Variants in GNAO1 observed in about 807,000 individuals in gnomAD.
GNAO1 encodes the protein guanine nucleotide-binding protein G(o) subunit alpha.
For synonymous variants in GNAO1, 164 were observed against 180.7 expected (o/e 0.91, Z 0.74); for missense variants, 166 against 478.7 (o/e 0.35, Z 6.10).
rs184732003 is a variant in GNAO1 at position 56,260,548 on chromosome 16, G to A, written c.162-15383G>A. On this transcript the variant is annotated intron_variant, in intron 2 of 8. Coordinates refer to ENST00000262493, the MANE Select transcript of GNAO1 (RefSeq NM_020988.3). ...CTGCAGCAGAGCCTCTACTGAGCCC[G>A]ACTCTGAGAGGGAACAGCTGGGCTC... is the stretch of plus-strand genomic sequence containing the variant. Among the ~76,000 whole-genome samples the A allele has an allele frequency of 3.1e-3, 467 of 152,232 alleles. 3 individuals are homozygous for A. The highest frequency in any genetic ancestry group is 0.01 in the African/African-American group (418 of 41,536).
chr16:56,210,353 A>G lies in GNAO1; in HGVS notation c.161+17737A>G, dbSNP rs118122938. On this transcript the variant is annotated intron_variant, in intron 2 of 8. Coordinates refer to ENST00000262493, the MANE Select transcript of GNAO1 (RefSeq NM_020988.3). ...TGGTTGCTTCCAAGTTTTGGGAATT[A>G]TGAATAAACCTGCTGTAAACATTCA... 9.9e-3 allele frequency among the ~76,000 whole-genome samples: 1,509 copies of G among 152,338 alleles called. 51 individuals carry two copies. The highest frequency in any genetic ancestry group is 0.07 in the South Asian group (340 of 4,828).
At chr16:56,294,188 T>G (rs2037260343) in intron 3 of GNAO1, among the ~76,000 whole-genome samples, 1 of 152,136 alleles carries the variant, frequency 6.6e-6, no homozygotes, top group Non-Finnish European at 1.5e-5. Flanking sequence ...TGGCACTAAC[T>G]TAGCAGGACA....
intron 2 of GNAO1, among the ~76,000 whole-genome samples, chr16:56,251,862 G>C (rs1273542181): frequency 6.6e-6 from 1 of 152,138 alleles, no homozygotes; most frequent in Admixed American, 6.5e-5. Context: ...CCCTGATCAA[G>C]AGCTGGCTCC....
intron 3 of GNAO1, among the ~76,000 whole-genome samples, chr16:56,301,387 G>A (rs1257576692): frequency 6.6e-6 from 1 of 152,182 alleles, no homozygotes; most frequent in South Asian, 2.1e-4. Flanking sequence ...CACAGACTTC[G>A]GGGGTCAGAA....
chr16:56,250,807 T>A (rs1192213959), intron 2 of GNAO1, among the ~76,000 whole-genome samples: 6 of 152,216 alleles, frequency 3.9e-5, no homozygotes, highest in African/African-American at 1.4e-4. Context: ...GTTTCTTTAC[T>A]GGATATCCCA....
intron 3 of GNAO1, among the ~76,000 whole-genome samples, chr16:56,327,796 CAAG>C (rs1465472267): frequency 1.3e-5 from 2 of 152,114 alleles, no homozygotes; most frequent in East Asian, 1.9e-4. Context: ...CCCACTCAGA[CAAG>C]GAGGAAGGGA....
chr16:56,348,173 C>A (rs879697815), intron 6 of GNAO1: 1 of 981,606 alleles, frequency 1.0e-6, no homozygotes, highest in East Asian at 1.1e-4. Context: ...AGTCGCCTAC[C>A]GTTAATAAAA....
At chr16:56,273,140 A>G (rs1288351280) in intron 2 of GNAO1, among the ~76,000 whole-genome samples, 1 of 152,222 alleles carries the variant, frequency 6.6e-6, no homozygotes, top group East Asian at 1.9e-4. Context: ...AGTATAGAGT[A>G]TACTTTCATT....
intron 2 of GNAO1, among the ~76,000 whole-genome samples, chr16:56,203,295 A>G (rs2036297020): frequency 6.6e-6 from 1 of 152,028 alleles, no homozygotes; most frequent in Admixed American, 6.6e-5. Flanking sequence ...CATTCACAGC[A>G]TCTCATTCCT....
intron 3 of GNAO1, among the ~76,000 whole-genome samples, chr16:56,286,321 A>G (rs1158324137): frequency 4.6e-5 from 7 of 152,194 alleles, no homozygotes; most frequent in African/African-American, 1.7e-4. Context: ...AAGTTAGGAC[A>G]TGTTGGTTGC....
At chr16:56,289,036 G>C (rs992328396) in intron 3 of GNAO1, among the ~76,000 whole-genome samples, 13 of 150,776 alleles carry the variant, frequency 8.6e-5, no homozygotes, top group East Asian at 7.7e-4. Flanking sequence ...CCAAAAAAGG[G>C]GGGGGGAGCG....
intron 3 of GNAO1, among the ~76,000 whole-genome samples, chr16:56,304,371 A>G (rs540237821): frequency 6.6e-6 from 1 of 152,344 alleles, no homozygotes; most frequent in African/African-American, 2.4e-5. Flanking sequence ...ATTGTTCATC[A>G]TTTATTCAGC....
intron 2 of GNAO1, among the ~76,000 whole-genome samples, chr16:56,218,301 G>A (rs142776689): frequency 6.6e-6 from 1 of 152,328 alleles, no homozygotes; most frequent in Non-Finnish European, 1.5e-5. Flanking sequence ...GAGGTGAGTT[G>A]TATCTGGGCC....
intron 2 of GNAO1, among the ~76,000 whole-genome samples, chr16:56,251,323 A>C (rs1238651796): frequency 6.6e-6 from 1 of 152,230 alleles, no homozygotes. Flanking sequence ...CTTACAATGC[A>C]TCTGCCTGCA....
At chr16:56,193,721 G>C (rs1240302205) in intron 2 of GNAO1, 1 of 235,914 alleles carries the variant, frequency 4.2e-6, no homozygotes, top group African/African-American at 2.3e-5. Flanking sequence ...AGGCAGGTTT[G>C]CTTGGGGAGG....
At chr16:56,313,306 TATG>T (rs1567479410) in intron 3 of GNAO1, among the ~76,000 whole-genome samples, 8 of 146,396 alleles carry the variant, frequency 5.5e-5, no homozygotes, top group African/African-American at 2.2e-4. Flanking sequence ...GCATTTTGTT[TATG>T]TAGGTTATAT....
chr16:56,323,370 C>T (rs1192009541), intron 3 of GNAO1, among the ~76,000 whole-genome samples: 1 of 152,206 alleles, frequency 6.6e-6, no homozygotes, highest in Non-Finnish European at 1.5e-5. Context: ...AGAAAACACA[C>T]ACTGAAGATA....
chr16:56,207,315 TA>T (rs2036339373), intron 2 of GNAO1, among the ~76,000 whole-genome samples: 1 of 152,158 alleles, frequency 6.6e-6, no homozygotes, highest in Non-Finnish European at 1.5e-5. Context: ...AATAAATAAA[TA>T]AACACACTGC....
chr16:56,336,923 G>A, intron 6 of GNAO1, 63 bp downstream of exon 6: 3 of 1,508,344 alleles, frequency 2.0e-6, no homozygotes, highest in Non-Finnish European at 2.7e-6. Flanking sequence ...GGATAGGCCA[G>A]CCCTCTGAGC....
Sources: allele counts gnomAD v4.1 joint callset (sites outside exome capture counted in the v4.1 genomes callset), GRCh38; gene constraint gnomAD v4.1.1; transcripts MANE v1.5; gene names NCBI Gene and HGNC (gene_info 2026-07-23, HGNC 2026-07-21).